The following COLQ variants were observed in gnomAD, a reference collection of about 807,000 sequenced individuals.
COLQ encodes acetylcholinesterase collagenic tail peptide.
COLQ carries 48 observed loss-of-function variants against 69.0 expected under a neutral mutation model. The ratio of observed to expected loss-of-function variants is 0.70; its 90% CI spans 0.55 to 0.88. COLQ has a LOEUF of 0.88. Ranked by LOEUF, COLQ falls within the 40% of genes least tolerant of loss-of-function variation. The pLI, the probability that COLQ is intolerant of heterozygous loss-of-function variation, is 0.00. For missense variants in COLQ, 618 were observed against 594.6 expected, an observed-to-expected ratio of 1.04 and a Z score of -0.41; for synonymous variants, 217 against 211.2, an observed-to-expected ratio of 1.03 and a Z score of -0.24.
chr3:15,520,642 G>A (rs2063123770), intron 1 of COLQ, among the ~76,000 whole-genome samples: 1 of 152,216 alleles, frequency 6.6e-6, no homozygotes, highest in Non-Finnish European at 1.5e-5. Flanking sequence ...GGGTCTGCCT[G>A]CCTCCTTCAA....
Position 15,474,255 on chromosome 3 carries a change from C to T in COLQ, c.573G>A (p.Lys191=). Residue 191 remains lysine, a synonymous_variant, in exon 9 of 17, where the codon AAG becomes AAA. Coordinates refer to ENST00000383788, the MANE Select transcript of COLQ (RefSeq NM_005677.4). ...SRGEKGSRGE[K]GDLGPKGEKG... Reference sequence around the variant, plus strand: ...TTTCTCCTTTGGGACCCAGGTCACCCTTTTCACCTCTGGATCCCTAGGAAG... The same window carrying T: ...TTTCTCCTTTGGGACCCAGGTCACCTTTTTCACCTCTGGATCCCTAGGAAG... 6.2e-7 allele frequency: 1 copy of T among 1,613,998 alleles called. No homozygotes were observed. The highest frequency in any genetic ancestry group is 1.1e-5 in the South Asian group (1 of 91,082).
At chr3:15,498,607 C>G in intron 1 of COLQ, 1 of 1,551,706 alleles carries the variant, frequency 6.4e-7, no homozygotes, top group East Asian at 2.4e-5. Context: ...GGGCCCAAAG[C>G]GGACTGGCCA....
At chr3:15,466,558 G>T (rs2062203841) in intron 11 of COLQ, 121 bp from the exon 12 acceptor site, 1 of 771,270 alleles carries the variant, frequency 1.3e-6, no homozygotes, top group Non-Finnish European at 2.2e-6. Context: ...GGGGGATGCA[G>T]CTCCAGAGGT....
intron 16 of COLQ, among the ~76,000 whole-genome samples, chr3:15,451,984 C>A (rs1175736651): frequency 6.6e-6 from 1 of 152,064 alleles, no homozygotes; most frequent in Admixed American, 6.5e-5. Context: ...AGCCTACCAA[C>A]AAAAATGTCC....
In COLQ at chr3:15,473,017, G is replaced by C. The variant is rs1223025699; in HGVS notation, c.636+983C>G. 3.3e-5 allele frequency among the ~76,000 whole-genome samples: 5 copies of C among 150,914 alleles called. No individual in the cohort carries two copies. The highest frequency in any genetic ancestry group is 1.2e-4 in the African/African-American group (5 of 40,784). ...TGGGACTATAGGCATGTGCCACCATGACCTGCTAATTTTTTTTTTTTTAGA... is the reference window on the plus strand; with the variant it reads ...TGGGACTATAGGCATGTGCCACCATCACCTGCTAATTTTTTTTTTTTTAGA... On this transcript the variant is annotated intron_variant, in intron 10 of 16. Transcript: ENST00000383788. This position sits in a 1 kb window ranked among gnomAD's most constrained non-coding sequence, Gnocchi z 4.0.
intron 11 of COLQ, chr3:15,467,845 G>A (rs756191083): frequency 3.1e-5 from 14 of 456,650 alleles, no homozygotes; most frequent in South Asian, 2.2e-4. Context: ...GGTGACAGGT[G>A]ACCGGCTGCC....
At chr3:15,513,919 C>T (rs184047680) in intron 1 of COLQ, among the ~76,000 whole-genome samples, 8 of 152,256 alleles carry the variant, frequency 5.3e-5, no homozygotes, top group South Asian at 2.1e-4. Context: ...GGGGATCATC[C>T]TGGATTACTT....
chr3:15,467,963 G>A (rs768568138), intron 11 of COLQ: 8 of 456,640 alleles, frequency 1.8e-5, no homozygotes, highest in African/African-American at 4.0e-5. Context: ...TGTTTATGGA[G>A]GGAGTTCTTA....
chr3:15,455,834 C>G, intron 15 of COLQ, 65 bp downstream of exon 15: 1 of 1,605,804 alleles, frequency 6.2e-7, no homozygotes, highest in Non-Finnish European at 8.5e-7. Context: ...GTGTCCAGGG[C>G]TGGCCCTGAG....
At chr3:15,504,809 G>A (rs777088173) in intron 1 of COLQ, among the ~76,000 whole-genome samples, 3 of 152,162 alleles carry the variant, frequency 2.0e-5, no homozygotes, top group Non-Finnish European at 4.4e-5. Context: ...GCGGTGAGCC[G>A]AGATTGCACC....
intron 3 of COLQ, among the ~76,000 whole-genome samples, chr3:15,482,010 CTGTT>C (rs1455365877): frequency 2.0e-5 from 3 of 152,124 alleles, no homozygotes; most frequent in Admixed American, 6.5e-5. Flanking sequence ...ATTTGCCTCT[CTGTT>C]TGTCTGTTAT....
chr3:15,499,868 T>G (rs1302871490), intron 1 of COLQ, among the ~76,000 whole-genome samples: 1 of 152,212 alleles, frequency 6.6e-6, no homozygotes, highest in East Asian at 1.9e-4. Flanking sequence ...CTAAGCTTTC[T>G]TACTTATAAA....
At chr3:15,498,676 T>A in intron 1 of COLQ, 1 of 1,549,602 alleles carries the variant, frequency 6.5e-7, no homozygotes. Flanking sequence ...TCCCAGTGCC[T>A]GGCCTGTTTG....
rs181073201 is a variant in COLQ at position 15,502,942 on chromosome 3, C to T, written c.107-13305G>A. Among the ~76,000 whole-genome samples the T allele has an allele frequency of 2.6e-5, 4 of 152,304 alleles. No individual in the cohort carries two copies. In the East Asian group the frequency reaches 5.8e-4, roughly 22 times the overall value. ...CATTTAACCCTCACAACTGATTATC[C>T]TCATTTTACAGAGGCGAAAAATGAC... is the stretch of plus-strand genomic sequence containing the variant. On this transcript the variant is annotated intron_variant, in intron 1 of 16. Transcript: ENST00000383788.
chr3:15,512,623 T>C (rs1481364893), intron 1 of COLQ, among the ~76,000 whole-genome samples: 2 of 152,174 alleles, frequency 1.3e-5, no homozygotes, highest in African/African-American at 4.8e-5. Flanking sequence ...GTATTTGGGA[T>C]TTTTGCCTTT....
At chr3:15,460,309 G>A (rs1489511393) in intron 12 of COLQ, among the ~76,000 whole-genome samples, 3 of 152,316 alleles carry the variant, frequency 2.0e-5, no homozygotes, top group South Asian at 2.1e-4. Context: ...TCAGAAGAGG[G>A]TAAAAGTCAC....
intron 15 of COLQ, 93 bp from the exon 16 acceptor site, chr3:15,454,024 C>T: frequency 1.2e-6 from 1 of 843,950 alleles, no homozygotes; most frequent in Non-Finnish European, 2.0e-6. Flanking sequence ...AGGGATCCAA[C>T]CTAAGTGCTG....
At chr3:15,462,906 G>A (rs780252854) in intron 12 of COLQ, among the ~76,000 whole-genome samples, 6 of 152,180 alleles carry the variant, frequency 3.9e-5, no homozygotes, top group East Asian at 3.9e-4. Context: ...CTCCACAGAC[G>A]GCAAGGTGTC....
intron 6 of COLQ, 34 bp downstream of exon 6, chr3:15,477,092 C>T (rs766371264): frequency 6.4e-7 from 1 of 1,573,184 alleles, no homozygotes; most frequent in Non-Finnish European, 8.6e-7. Flanking sequence ...CTTGTTTTGA[C>T]ACCGCATGAG....
Sources: allele counts gnomAD v4.1 joint callset (sites outside exome capture counted in the v4.1 genomes callset), GRCh38; gene constraint gnomAD v4.1.1; non-coding constraint Gnocchi (gnomAD v3.1); transcripts MANE v1.5; gene names NCBI Gene and HGNC (gene_info 2026-07-23, HGNC 2026-07-21).